Variants in SRPK2 observed in about 807,000 individuals in gnomAD.
The protein encoded by SRPK2 is SFRS protein kinase 2.
SRPK2 carries 21 observed loss-of-function variants against 90.8 expected under a neutral mutation model. That is an observed-to-expected ratio of 0.23 (90% confidence interval 0.16 to 0.33). The LOEUF is 0.33. Among genes scored for constraint, SRPK2 ranks in the 10% least tolerant of loss-of-function variants. The pLI is 1.00. For synonymous variants in SRPK2, 288 were observed against 311.1 expected (o/e 0.93, Z 0.78); for missense variants, 620 against 869.0 (o/e 0.71, Z 3.60).
chr7:105,338,069 AG>A (rs1815313772), intron 2 of SRPK2, among the ~76,000 whole-genome samples: 1 of 131,398 alleles, frequency 7.6e-6, no homozygotes, highest in Non-Finnish European at 1.6e-5. Context: ...ACTTTAAAAA[AG>A]AAAGAATATT....
intron 2 of SRPK2, among the ~76,000 whole-genome samples, chr7:105,244,380 G>A (rs1801276473): frequency 6.6e-6 from 1 of 152,182 alleles, no homozygotes; most frequent in Non-Finnish European, 1.5e-5. Flanking sequence ...TACCAGCCTG[G>A]CCAACATGGT....
chr7:105,327,773 A>C (rs1563243624), intron 2 of SRPK2, among the ~76,000 whole-genome samples: 1 of 152,222 alleles, frequency 6.6e-6, no homozygotes, highest in Non-Finnish European at 1.5e-5. Context: ...TTATCTAAAC[A>C]ACTCTAAAAT....
chr7:105,357,220 T>C (rs1817879823), intron 2 of SRPK2, among the ~76,000 whole-genome samples: 1 of 151,978 alleles, frequency 6.6e-6, no homozygotes, highest in South Asian at 2.1e-4. Context: ...GTATTTTGTT[T>C]AGTAGAGATG....
At chr7:105,327,104 A>G (rs1813687303) in intron 2 of SRPK2, among the ~76,000 whole-genome samples, 1 of 152,102 alleles carries the variant, frequency 6.6e-6, no homozygotes, top group Admixed American at 6.6e-5. Flanking sequence ...TATAAGCAAA[A>G]GAGCCCCGAT....
chr7:105,327,491 A>C (rs2131628695), intron 2 of SRPK2, among the ~76,000 whole-genome samples: 1 of 152,296 alleles, frequency 6.6e-6, no homozygotes, highest in Non-Finnish European at 1.5e-5. Context: ...TCTGGCCAGC[A>C]TCCTGACCTC....
chr7:105,280,629 GT>G (rs1807138487), intron 2 of SRPK2, among the ~76,000 whole-genome samples: 1 of 125,320 alleles, frequency 8.0e-6, no homozygotes, highest in Admixed American at 8.9e-5. Context: ...CTATTTACAT[GT>G]ATAAGAAAAC....
intron 15 of SRPK2, among the ~76,000 whole-genome samples, chr7:105,125,319 T>C (rs1228370385): frequency 6.6e-6 from 1 of 151,978 alleles, no homozygotes; most frequent in Non-Finnish European, 1.5e-5. Context: ...ACAATGGGAA[T>C]GTAGGATGTC....
chr7:105,250,863 G>A (rs1464146293), intron 2 of SRPK2, among the ~76,000 whole-genome samples: 1 of 152,024 alleles, frequency 6.6e-6, no homozygotes, highest in African/African-American at 2.4e-5. Context: ...TTTTTCACCA[G>A]CTGTTAAATC....
chr7:105,228,634 C>G (rs1799025181), intron 2 of SRPK2, among the ~76,000 whole-genome samples: 1 of 152,210 alleles, frequency 6.6e-6, no homozygotes, highest in Admixed American at 6.5e-5. Context: ...GTGTAACACC[C>G]TCTCTCAGGC....
At chr7:105,179,385 T>G (rs1484525770) in intron 3 of SRPK2, among the ~76,000 whole-genome samples, 1 of 152,218 alleles carries the variant, frequency 6.6e-6, no homozygotes, top group East Asian at 1.9e-4. Context: ...TAATGACAGA[T>G]TAACAAATGA....
chr7:105,346,382 T>G (rs542054416), intron 2 of SRPK2, among the ~76,000 whole-genome samples: 1 of 152,202 alleles, frequency 6.6e-6, no homozygotes, highest in South Asian at 2.1e-4. Flanking sequence ...TTGTCACCTC[T>G]GCATGGTGAC....
chr7:105,204,220 G>A (rs1585164659), intron 2 of SRPK2, among the ~76,000 whole-genome samples: 2 of 152,170 alleles, frequency 1.3e-5, no homozygotes, highest in African/African-American at 2.4e-5. Flanking sequence ...CTTATTTCCT[G>A]TTATCTGAAA....
chr7:105,206,009 G>C (rs1320788665), intron 2 of SRPK2: 1 of 518,886 alleles, frequency 1.9e-6, no homozygotes, highest in Non-Finnish European at 3.8e-6. Flanking sequence ...TGTGCTGCCA[G>C]TGCACGGCAC....
At chr7:105,394,594 A>T (rs1822273009) in intron 1 of SRPK2, among the ~76,000 whole-genome samples, 1 of 152,260 alleles carries the variant, frequency 6.6e-6, no homozygotes, top group Admixed American at 6.5e-5. Context: ...TTCGATAATC[A>T]AATAAGATAA....
intron 2 of SRPK2, among the ~76,000 whole-genome samples, chr7:105,324,275 G>A (rs1047985411): frequency 5.3e-5 from 8 of 151,712 alleles, no homozygotes; most frequent in Non-Finnish European, 1.0e-4. Context: ...CCAAAGTGCT[G>A]GGATTACAGA....
rs962020170 is a variant in SRPK2 at position 105,116,523 on chromosome 7, G to A, written c.*1315C>T. The stretch of plus-strand genomic sequence containing the variant: ...AATGTTAATGGACAAAGTCAAAAAC[G>A]AGGCACCTTAATGAATGTAAAATTT... On this transcript the variant is annotated 3_prime_UTR_variant, in exon 16 of 16. Transcript: ENST00000393651. 15 of 152,538 alleles carry A rather than the reference G, an allele frequency of 9.8e-5. No homozygotes were observed. Among genetic ancestry groups the A allele is most frequent in the Non-Finnish European group, 1.6e-4 (11 of 68,000 alleles). 9.4% of individuals were successfully genotyped at this position (152,538 alleles called of 1,614,324 possible).
chr7:105,267,327 AATT>A (rs1805225642), intron 2 of SRPK2, among the ~76,000 whole-genome samples: 1 of 152,154 alleles, frequency 6.6e-6, no homozygotes, highest in South Asian at 2.1e-4. Flanking sequence ...AAGCTAATGT[AATT>A]ATTACTGTCA....
At chr7:105,198,934 G>C (rs1216523680) in intron 3 of SRPK2, among the ~76,000 whole-genome samples, 1 of 152,164 alleles carries the variant, frequency 6.6e-6, no homozygotes, top group Non-Finnish European at 1.5e-5. Context: ...TCCTCTTGGA[G>C]ATCTAAGATA....
intron 2 of SRPK2, among the ~76,000 whole-genome samples, chr7:105,250,998 C>G (rs1002803712): frequency 6.6e-6 from 1 of 152,144 alleles, no homozygotes; most frequent in Non-Finnish European, 1.5e-5. Context: ...GCAACAGCAA[C>G]AGAAGCTACT....
Sources: allele counts gnomAD v4.1 joint callset (sites outside exome capture counted in the v4.1 genomes callset), GRCh38; gene constraint gnomAD v4.1.1; transcripts MANE v1.5; gene names NCBI Gene and HGNC (gene_info 2026-07-23, HGNC 2026-07-21).